Variants in ZNF385D observed in about 807,000 individuals in gnomAD.
ZNF385D encodes zinc finger protein 659.
A neutral mutation model predicts 35.8 loss-of-function variants in ZNF385D; 15 were observed. That is an observed-to-expected ratio of 0.42 (90% CI 0.28 to 0.64). The LOEUF (loss-of-function observed/expected upper bound fraction) is 0.64, where lower values mean the gene tolerates loss of function less well. Among genes scored for constraint, ZNF385D ranks in the 30% least tolerant of loss-of-function variants. The probability of loss-of-function intolerance (pLI) is 0.23; values close to 1 mark genes in which losing one functional copy is unlikely to be tolerated. For missense variants in ZNF385D, 474 were observed against 494.6 expected (o/e 0.96, Z 0.39); for synonymous variants, 212 against 186.8 (o/e 1.13, Z -1.10).
chr3:22,184,170 C>A (rs1269590910), intron 2 of ZNF385D, among the ~76,000 whole-genome samples: 1 of 152,094 alleles, frequency 6.6e-6, no homozygotes, highest in Non-Finnish European at 1.5e-5. Flanking sequence ...AACCCTTCAC[C>A]CCTCTGACTC....
chr3:21,824,662 G>A (rs1439342729), intron 3 of ZNF385D, among the ~76,000 whole-genome samples: 1 of 152,042 alleles, frequency 6.6e-6, no homozygotes. Context: ...GGGTGATGAA[G>A]TTGAATAGAA....
intron 4 of ZNF385D, among the ~76,000 whole-genome samples, chr3:21,503,196 T>C (rs1247867601): frequency 6.6e-6 from 1 of 152,292 alleles, no homozygotes; most frequent in Non-Finnish European, 1.5e-5. Context: ...CTTGGAATAG[T>C]AGCGTACATC....
intron 2 of ZNF385D, among the ~76,000 whole-genome samples, chr3:22,262,037 ATAT>A: frequency 6.6e-6 from 1 of 152,042 alleles, no homozygotes; most frequent in East Asian, 1.9e-4. Flanking sequence ...AACTTGCAGC[ATAT>A]TATCATATAA....
chr3:22,158,098 T>C (rs1006935030), intron 3 of ZNF385D, among the ~76,000 whole-genome samples: 1 of 152,154 alleles, frequency 6.6e-6, no homozygotes, highest in Admixed American at 6.6e-5. Context: ...GTCTGTTCCC[T>C]CTATCCTCTC....
intron 3 of ZNF385D, among the ~76,000 whole-genome samples, chr3:21,921,642 T>C (rs1352685109): frequency 6.6e-6 from 1 of 151,560 alleles, no homozygotes; most frequent in African/African-American, 2.4e-5. Context: ...AAAAGAGACA[T>C]AAATATGTAC....
At chr3:21,498,945 C>CAA (rs35511402) in intron 4 of ZNF385D, among the ~76,000 whole-genome samples, 168 of 64,228 alleles carry the variant, frequency 2.6e-3, no homozygotes, top group East Asian at 0.014. Flanking sequence ...GACTCCATCT[C>CAA]AAAAAAAAAA....
intron 2 of ZNF385D, among the ~76,000 whole-genome samples, chr3:22,211,698 G>A (rs2125261996): frequency 6.6e-6 from 1 of 152,036 alleles, no homozygotes; most frequent in African/African-American, 2.4e-5. Context: ...AAAACAGGAG[G>A]ATAGTGGATG....
At chr3:22,131,495 T>C (rs770637554) in intron 3 of ZNF385D, among the ~76,000 whole-genome samples, 5 of 152,150 alleles carry the variant, frequency 3.3e-5, no homozygotes, top group African/African-American at 7.2e-5. Context: ...GATAAAAGAA[T>C]AGTGTATTTT....
chr3:21,823,436 A>AACACAC (rs34652539), intron 3 of ZNF385D, among the ~76,000 whole-genome samples: 1 of 151,132 alleles, frequency 6.6e-6, no homozygotes, highest in South Asian at 2.1e-4. Context: ...AAGCCCCCCA[A>AACACAC]ACACACACAC....
intron 1 of ZNF385D, among the ~76,000 whole-genome samples, chr3:21,682,468 C>T (rs1282520402): frequency 1.3e-5 from 2 of 150,198 alleles, no homozygotes; most frequent in Non-Finnish European, 3.0e-5. Flanking sequence ...AACAGATGTT[C>T]TTCATTTCCA....
At chr3:22,101,359 T>C (rs1701934570) in intron 3 of ZNF385D, among the ~76,000 whole-genome samples, 1 of 152,010 alleles carries the variant, frequency 6.6e-6, no homozygotes, top group African/African-American at 2.4e-5. Context: ...TCCATGAGCA[T>C]ATAAGGTGCT....
At chr3:21,886,830 C>T (rs1011103579) in intron 3 of ZNF385D, among the ~76,000 whole-genome samples, 3 of 152,050 alleles carry the variant, frequency 2.0e-5, no homozygotes, top group African/African-American at 7.2e-5. Flanking sequence ...TTCTCCCTAC[C>T]TAATGACATT....
At chr3:22,296,061 T>A (rs982590491) in intron 2 of ZNF385D, among the ~76,000 whole-genome samples, 1 of 152,170 alleles carries the variant, frequency 6.6e-6, no homozygotes, top group Non-Finnish European at 1.5e-5. Context: ...GGAGGCCGCA[T>A]ACCATCTATC....
chr3:21,985,560 T>A (rs1470452457), intron 3 of ZNF385D, among the ~76,000 whole-genome samples: 1 of 123,922 alleles, frequency 8.1e-6, no homozygotes, highest in Non-Finnish European at 1.7e-5. Flanking sequence ...GCTGCTGGAT[T>A]CAGTTTGCCA....
intron 2 of ZNF385D, among the ~76,000 whole-genome samples, chr3:22,297,527 G>A (rs988859196): frequency 6.6e-6 from 1 of 152,076 alleles, no homozygotes; most frequent in Non-Finnish European, 1.5e-5. Context: ...GGCTGAAGTG[G>A]GGCCGGAGGA....
chr3:22,354,800 T>C (rs780685320), intron 2 of ZNF385D, among the ~76,000 whole-genome samples: 11 of 152,090 alleles, frequency 7.2e-5, no homozygotes, highest in East Asian at 1.9e-4. Context: ...ATAATAGTCT[T>C]CTATGCCTGT....
chr3:21,444,639 G>A (rs1224880613), intron 4 of ZNF385D, among the ~76,000 whole-genome samples: 12 of 151,740 alleles, frequency 7.9e-5, no homozygotes, highest in Non-Finnish European at 1.8e-4. Flanking sequence ...CTCCCACCTC[G>A]GCCTCCCAAA....
Position 21,808,896 on chromosome 3 carries a change from T to C in ZNF385D, c.326-143868A>G, listed in dbSNP as rs138939443. On this transcript the variant is annotated intron_variant, in intron 3 of 5. Transcript: ENST00000494108. ...AGCACCAAAGTAGGACAGATTAAAA[T>C]AGTACCACAAAGACTTTGAAAACTA... Among the ~76,000 whole-genome samples the C allele has an allele frequency of 3.3e-5, 5 of 152,270 alleles. No individual in the cohort carries two copies. In the East Asian group the frequency reaches 5.8e-4, roughly 18 times the overall value.
chr3:21,927,732 G>A (rs990124654), intron 3 of ZNF385D, among the ~76,000 whole-genome samples: 1 of 152,152 alleles, frequency 6.6e-6, no homozygotes, highest in Non-Finnish European at 1.5e-5. Flanking sequence ...AATGTTACTA[G>A]AGACAGTGAT....
Sources: allele counts gnomAD v4.1 joint callset (sites outside exome capture counted in the v4.1 genomes callset), GRCh38; gene constraint gnomAD v4.1.1; transcripts MANE v1.5; gene names NCBI Gene and HGNC (gene_info 2026-07-23, HGNC 2026-07-21).